SGCZ: variants seen among roughly 807,000 people sequenced by gnomAD.
SGCZ encodes the protein sarcoglycan zeta.
SGCZ carries 40 observed loss-of-function variants against 41.3 expected under a neutral mutation model. The observed-to-expected ratio is 0.97, with a 90% CI of 0.75 to 1.26. The LOEUF is 1.26. Ranked by LOEUF, SGCZ falls within the 50% of genes most tolerant of loss-of-function variation. The pLI is 0.00. For synonymous variants in SGCZ, 206 were observed against 137.5 expected, an observed-to-expected ratio of 1.50 and a Z score of -3.49; for missense variants, 552 against 369.8, an observed-to-expected ratio of 1.49 and a Z score of -4.04.
At chr8:14,628,307 T>G (rs1023343740) in intron 1 of SGCZ, among the ~76,000 whole-genome samples, 3 of 151,398 alleles carry the variant, frequency 2.0e-5, no homozygotes, top group African/African-American at 7.3e-5. Flanking sequence ...GTTTTAAAAT[T>G]TTAATTTACC....
intron 2 of SGCZ, among the ~76,000 whole-genome samples, chr8:14,347,355 C>T (rs1360693254): frequency 6.6e-6 from 1 of 151,994 alleles, no homozygotes; most frequent in Non-Finnish European, 1.5e-5. Context: ...CTTAAATTGC[C>T]ACAAAACTAG....
chr8:15,020,223 T>C (rs753457777), intron 1 of SGCZ, among the ~76,000 whole-genome samples: 11 of 152,272 alleles, frequency 7.2e-5, no homozygotes, highest in Non-Finnish European at 8.8e-5. Flanking sequence ...AGATCAGTCA[T>C]CAGCAATTTA....
intron 2 of SGCZ, among the ~76,000 whole-genome samples, chr8:14,389,278 A>C (rs1804677090): frequency 6.6e-6 from 1 of 151,940 alleles, no homozygotes; most frequent in Non-Finnish European, 1.5e-5. Context: ...GTAAGAGTGT[A>C]GGAGAAAATA....
At chr8:15,202,795 C>A (rs1800931781) in intron 1 of SGCZ, among the ~76,000 whole-genome samples, 1 of 151,992 alleles carries the variant, frequency 6.6e-6, no homozygotes, top group South Asian at 2.1e-4. Context: ...GGCAGGCTCA[C>A]AGAGTAAATA....
rs767510102 is a variant in SGCZ at position 15,237,599 on chromosome 8, T to G, written c.25A>C (p.Ile9Leu). The change falls in exon 1 of 8, where the codon ATT becomes CTT. Residue 9 changes from isoleucine (I) to leucine (L), a missense_variant. By Grantham distance (5) the Ile-to-Leu change is conservative. Transcript: ENST00000382080. MDRSTNLD[I>L]EELKMTREQY... ...CCCGCACGTACCTTGAGCTCCTCAA[T>G]GTCCAGGTTCGTTGATCTGTCCATG... The G allele has an allele frequency of 1.9e-6, 3 of 1,591,488 alleles. No individual in the cohort carries two copies. The highest frequency in any genetic ancestry group is 1.7e-6 in the Non-Finnish European group (2 of 1,167,242).
Position 14,141,829 on chromosome 8 carries a change from A to C in SGCZ, c.547+22751T>G, listed in dbSNP as rs531647792. 2.0e-5 allele frequency among the ~76,000 whole-genome samples: 3 copies of C among 152,296 alleles called. No individual in the cohort carries two copies. In the South Asian group the frequency reaches 6.2e-4, roughly 32 times the overall value. ...TCCCATTACTGGGTATATACCCAAA[A>C]GATTATAAAACATGTTGCTATAAAG... On this transcript the variant is annotated intron_variant, in intron 5 of 7. Transcript: ENST00000382080.
rs574563336 is a variant in SGCZ at position 14,342,219 on chromosome 8, G to A, written c.235-18015C>T. ...CTGGAGCAAAGCTGACTCTTGTTACGTTTTAGCAAAGGGATTGGCAGCATT... is the reference window on the plus strand; with the variant it reads ...CTGGAGCAAAGCTGACTCTTGTTACATTTTAGCAAAGGGATTGGCAGCATT... On this transcript the variant is annotated intron_variant, in intron 2 of 7. Transcript: ENST00000382080. 4.6e-4 allele frequency among the ~76,000 whole-genome samples: 70 copies of A among 152,276 alleles called. 1 individual carries two copies. The South Asian group carries it at 0.014, about 31-fold the overall frequency.
At chr8:14,848,320 G>T (rs905927255) in intron 1 of SGCZ, among the ~76,000 whole-genome samples, 1 of 152,084 alleles carries the variant, frequency 6.6e-6, no homozygotes, top group Non-Finnish European at 1.5e-5. Context: ...ATGTCAATCA[G>T]TCATTTGACT....
Position 14,089,282 on chromosome 8 carries a change from T to C in SGCZ, c.*1161A>G, listed in dbSNP as rs1350533378. Among the ~76,000 whole-genome samples the C allele has an allele frequency of 6.6e-6, 1 of 151,982 alleles. No homozygotes were observed. The highest frequency in any genetic ancestry group is 2.4e-5 in the African/African-American group (1 of 41,424). ...TAAATTCCCTAAAATATGAATGTAG[T>C]GAAGTAAACACATTTTCAATATTTA... is the stretch of plus-strand genomic sequence containing the variant. On this transcript the variant is annotated 3_prime_UTR_variant, in exon 8 of 8. Coordinates refer to ENST00000382080, the MANE Select transcript of SGCZ (RefSeq NM_139167.4).
chr8:14,682,861 A>G (rs371295609), intron 1 of SGCZ, among the ~76,000 whole-genome samples: 21 of 152,306 alleles, frequency 1.4e-4, no homozygotes, highest in African/African-American at 5.1e-4. Flanking sequence ...TTAAAGGTAA[A>G]TTGGGCTAGA....
intron 1 of SGCZ, among the ~76,000 whole-genome samples, chr8:15,173,741 T>C (rs749214850): frequency 9.2e-5 from 14 of 152,260 alleles, no homozygotes; most frequent in Non-Finnish European, 1.8e-4. Flanking sequence ...AGACTCAAGT[T>C]CTTCGTTAGC....
chr8:14,127,169 A>AAAATAAAT (rs202145346), intron 5 of SGCZ, among the ~76,000 whole-genome samples: 3 of 151,654 alleles, frequency 2.0e-5, no homozygotes, highest in African/African-American at 7.3e-5. Flanking sequence ...AGATAAAATT[A>AAAATAAAT]AAATAAATAA....
At chr8:14,469,134 C>T (rs1206110425) in intron 2 of SGCZ, among the ~76,000 whole-genome samples, 3 of 152,040 alleles carry the variant, frequency 2.0e-5, no homozygotes, top group Non-Finnish European at 4.4e-5. Flanking sequence ...CCACTTTTTG[C>T]TTCAATGGTG....
At chr8:14,519,631 C>T (rs529445990) in intron 2 of SGCZ, among the ~76,000 whole-genome samples, 2 of 152,160 alleles carry the variant, frequency 1.3e-5, no homozygotes, top group South Asian at 2.1e-4. Context: ...AAGAATATTT[C>T]CTGGCCTCTC....
At chr8:14,632,177 C>G (rs1009856892) in intron 1 of SGCZ, among the ~76,000 whole-genome samples, 1 of 151,996 alleles carries the variant, frequency 6.6e-6, no homozygotes, top group Admixed American at 6.6e-5. Context: ...CGCCACCATG[C>G]CTGGCTAATT....
At chr8:15,105,233 G>T (rs1366117130) in intron 1 of SGCZ, among the ~76,000 whole-genome samples, 2 of 152,090 alleles carry the variant, frequency 1.3e-5, no homozygotes, top group Non-Finnish European at 2.9e-5. Context: ...CATATTAATA[G>T]ATCAAATACG....
intron 1 of SGCZ, among the ~76,000 whole-genome samples, chr8:14,691,163 G>A (rs553756192): frequency 6.6e-6 from 1 of 152,230 alleles, no homozygotes; most frequent in Non-Finnish European, 1.5e-5. Context: ...TTTCTTCAAT[G>A]ATGAATGAAG....
At chr8:14,947,099 A>G (rs1800477531) in intron 1 of SGCZ, among the ~76,000 whole-genome samples, 1 of 152,212 alleles carries the variant, frequency 6.6e-6, no homozygotes, top group Non-Finnish European at 1.5e-5. Context: ...ACCCCAGTAC[A>G]TCAATAGAGT....
intron 1 of SGCZ, among the ~76,000 whole-genome samples, chr8:14,596,145 T>C (rs1435071904): frequency 2.0e-5 from 3 of 152,228 alleles, no homozygotes; most frequent in Admixed American, 6.5e-5. Flanking sequence ...AGTGAGAATA[T>C]ACTCTGCAGT....
Sources: allele counts gnomAD v4.1 joint callset (sites outside exome capture counted in the v4.1 genomes callset), GRCh38; gene constraint gnomAD v4.1.1; transcripts MANE v1.5; gene names NCBI Gene and HGNC (gene_info 2026-07-23, HGNC 2026-07-21).